The following DYRK1A variants were observed in gnomAD, a reference collection of about 807,000 sequenced individuals.
DYRK1A encodes the protein dual specificity tyrosine-phosphorylation-regulated kinase 1A.
Under a neutral mutation model 79.7 loss-of-function variants are expected in DYRK1A, and 9 were observed. That is an observed-to-expected ratio of 0.11 (90% CI 0.07 to 0.20). The LOEUF (loss-of-function observed/expected upper bound fraction) is 0.20. Among genes scored for constraint, DYRK1A ranks in the 10% least tolerant of loss-of-function variants. DYRK1A has a pLI of 1.00. For synonymous variants in DYRK1A, 349 were observed against 329.7 expected (o/e 1.06, Z -0.63); for missense variants, 622 against 956.0 (o/e 0.65, Z 4.61).
intron 2 of DYRK1A, among the ~76,000 whole-genome samples, chr21:37,434,798 G>A (rs1283346558): frequency 1.3e-5 from 2 of 152,144 alleles, no homozygotes; most frequent in East Asian, 1.9e-4. Flanking sequence ...AGTGAGCCAC[G>A]CTTTCTGTTA....
intron 4 of DYRK1A, among the ~76,000 whole-genome samples, chr21:37,479,364 T>TAACA (rs2052516586): frequency 6.6e-6 from 1 of 152,158 alleles, no homozygotes; most frequent in East Asian, 1.9e-4. Flanking sequence ...AATTTGTTAT[T>TAACA]ATCTGATAAA....
chr21:37,376,665 C>G (rs1210050063), intron 1 of DYRK1A, among the ~76,000 whole-genome samples: 5 of 152,044 alleles, frequency 3.3e-5, no homozygotes, highest in Non-Finnish European at 7.4e-5. Flanking sequence ...GCCTAGGACC[C>G]TGCGCTTGAT....
At chr21:37,471,408 T>TGTGA (rs1365918596) in intron 2 of DYRK1A, among the ~76,000 whole-genome samples, 1 of 152,228 alleles carries the variant, frequency 6.6e-6, no homozygotes. Flanking sequence ...TTGCAGAGTG[T>TGTGA]GTGCCACATT....
chr21:37,496,385 A>G (rs372565868), intron 9 of DYRK1A, 127 bp downstream of exon 9: 3 of 937,456 alleles, frequency 3.2e-6, no homozygotes, highest in South Asian at 1.8e-5. Context: ...GATACCTTAC[A>G]TAGATATTTT....
At chr21:37,507,705 C>T (rs566238303) in intron 11 of DYRK1A, among the ~76,000 whole-genome samples, 55 of 129,494 alleles carry the variant, frequency 4.2e-4, no homozygotes, top group African/African-American at 1.5e-3. Context: ...CTGTCTGTTT[C>T]GTTTTTTTTC....
intron 4 of DYRK1A, 105 bp from the exon 5 acceptor site, chr21:37,480,533 T>C: frequency 1.2e-6 from 1 of 862,876 alleles, no homozygotes; most frequent in Non-Finnish European, 1.7e-6. Context: ...ATTTTCTAAC[T>C]CAAATGTCAA....
chr21:37,506,090 A>C lies in DYRK1A; in HGVS notation c.1520-9A>C. On this transcript the variant is annotated splice_polypyrimidine_tract_variant and intron_variant, in intron 10 of 11. Transcript: ENST00000647188. The stretch of plus-strand genomic sequence containing the variant: ...CACAGTTGTATTGTTTTGTGTTGTG[A>C]TATTTCAGGTGGCTCATCGGGGACA... The C allele has an allele frequency of 6.2e-7, 1 of 1,606,910 alleles. No individual in the cohort carries two copies. The highest frequency in any genetic ancestry group is 8.5e-7 in the Non-Finnish European group (1 of 1,174,848).
intron 2 of DYRK1A, among the ~76,000 whole-genome samples, chr21:37,448,626 A>G (rs963487834): frequency 3.3e-5 from 5 of 152,224 alleles, no homozygotes; most frequent in African/African-American, 1.2e-4. Context: ...AAAAACTTGT[A>G]TATTTTATTT....
At chr21:37,409,549 C>T (rs2050206284) in intron 1 of DYRK1A, among the ~76,000 whole-genome samples, 1 of 152,070 alleles carries the variant, frequency 6.6e-6, no homozygotes, top group Non-Finnish European at 1.5e-5. Context: ...TTAGTGGTTA[C>T]TCATTGTGGC....
chr21:37,391,942 G>A (rs41483945), intron 1 of DYRK1A, among the ~76,000 whole-genome samples: 14,552 of 152,240 alleles, frequency 0.096, 830 homozygotes, highest in Non-Finnish European at 0.12. Context: ...CTCTAAACTA[G>A]TAAAGCCACC....
intron 2 of DYRK1A, among the ~76,000 whole-genome samples, chr21:37,464,589 A>G (rs2051961378): frequency 6.6e-6 from 1 of 152,240 alleles, no homozygotes; most frequent in African/African-American, 2.4e-5. Flanking sequence ...TAAGTTCATC[A>G]TTAAATTATA....
chr21:37,457,942 T>G (rs903845000), intron 2 of DYRK1A, among the ~76,000 whole-genome samples: 1 of 152,210 alleles, frequency 6.6e-6, no homozygotes, highest in Non-Finnish European at 1.5e-5. Context: ...TGCCTGAAAC[T>G]TAGTAACACC....
chr21:37,381,731 T>A (rs1398883995), intron 1 of DYRK1A, among the ~76,000 whole-genome samples: 1 of 152,198 alleles, frequency 6.6e-6, no homozygotes, highest in East Asian at 1.9e-4. Context: ...GAGGGTGCAG[T>A]GAGCTGTGTT....
intron 2 of DYRK1A, among the ~76,000 whole-genome samples, chr21:37,471,196 A>G (rs544509418): frequency 1.3e-5 from 2 of 152,324 alleles, no homozygotes; most frequent in Admixed American, 1.3e-4. Context: ...CTTAAGTGTT[A>G]TATGTGGTGA....
At chr21:37,367,795 C>T (rs2148347088) in intron 1 of DYRK1A, among the ~76,000 whole-genome samples, 167 bp downstream of exon 1, 2 of 149,434 alleles carry the variant, frequency 1.3e-5, no homozygotes, top group Middle Eastern at 7.5e-3. Context: ...AGCCTCAGGC[C>T]GGGTCCCGGA....
chr21:37,387,859 G>C (rs958859781), intron 1 of DYRK1A, among the ~76,000 whole-genome samples: 3 of 152,154 alleles, frequency 2.0e-5, no homozygotes, highest in Admixed American at 2.0e-4. Flanking sequence ...TTCTGTATAT[G>C]TGGCTTCATG....
intron 2 of DYRK1A, among the ~76,000 whole-genome samples, chr21:37,430,803 C>G (rs371781265): frequency 6.6e-6 from 1 of 152,156 alleles, no homozygotes; most frequent in Non-Finnish European, 1.5e-5. Context: ...GGTGACTGTT[C>G]ACTTGTGTTT....
At chr21:37,505,969 G>T (rs1032891446) in intron 10 of DYRK1A, 130 bp from the exon 11 acceptor site, 5 of 1,170,514 alleles carry the variant, frequency 4.3e-6, no homozygotes, top group Non-Finnish European at 5.8e-6. Context: ...ATACTTTCAA[G>T]TTAATATTAG....
intron 2 of DYRK1A, among the ~76,000 whole-genome samples, chr21:37,423,301 C>T (rs1203594064): frequency 6.6e-6 from 1 of 152,106 alleles, no homozygotes; most frequent in Non-Finnish European, 1.5e-5. Flanking sequence ...ATGCCTCTCC[C>T]GCATATTCCC....
Sources: allele counts gnomAD v4.1 joint callset (sites outside exome capture counted in the v4.1 genomes callset), GRCh38; gene constraint gnomAD v4.1.1; transcripts MANE v1.5; gene names NCBI Gene and HGNC (gene_info 2026-07-23, HGNC 2026-07-21).